Variants in DAP observed in about 807,000 individuals in gnomAD.
The protein encoded by DAP is death associated protein.
Under a neutral mutation model 13.8 loss-of-function variants are expected in DAP, and 8 were observed. The ratio of observed to expected loss-of-function variants is 0.58; its 90% CI spans 0.34 to 1.05. The LOEUF (loss-of-function observed/expected upper bound fraction) is 1.05. Ranked by LOEUF, DAP falls within the 50% of genes least tolerant of loss-of-function variation. DAP has a pLI of 0.03. For missense variants in DAP, 106 were observed against 133.2 expected (o/e 0.80, Z 1.01); for synonymous variants, 47 against 47.5 (o/e 0.99, Z 0.04).
chr5:10,757,055 G>T (rs1339814196), intron 1 of DAP, among the ~76,000 whole-genome samples: 1 of 152,132 alleles, frequency 6.6e-6, no homozygotes, highest in East Asian at 1.9e-4. Flanking sequence ...TCCATCACTT[G>T]TAAATAACAA....
At chr5:10,741,925 C>T (rs575236872) in intron 2 of DAP, among the ~76,000 whole-genome samples, 1 of 152,338 alleles carries the variant, frequency 6.6e-6, no homozygotes, top group Admixed American at 6.5e-5. Flanking sequence ...TAAAGACACT[C>T]TTTTCATTTT....
intron 2 of DAP, among the ~76,000 whole-genome samples, chr5:10,742,630 T>C (rs1739789795): frequency 6.6e-6 from 1 of 152,192 alleles, no homozygotes; most frequent in Admixed American, 6.5e-5. Flanking sequence ...CATTCTGCCC[T>C]GCCCCAAACC....
chr5:10,725,111 C>T (rs1401074210), intron 2 of DAP, among the ~76,000 whole-genome samples: 1 of 152,224 alleles, frequency 6.6e-6, no homozygotes, highest in Non-Finnish European at 1.5e-5. Context: ...CATTCTTCAG[C>T]CGTGTTTGTT....
chr5:10,757,869 T>G (rs910955708), intron 1 of DAP, among the ~76,000 whole-genome samples: 3 of 152,096 alleles, frequency 2.0e-5, no homozygotes, highest in Non-Finnish European at 4.4e-5. Flanking sequence ...TTGAGTATTT[T>G]GTGCCACCCC....
At chr5:10,727,711 T>C in intron 2 of DAP, among the ~76,000 whole-genome samples, 1 of 152,212 alleles carries the variant, frequency 6.6e-6, no homozygotes, top group Non-Finnish European at 1.5e-5. Flanking sequence ...CTGCTATGTT[T>C]CTGGGAGTAT....
chr5:10,757,805 C>T (rs1309522772), intron 1 of DAP, among the ~76,000 whole-genome samples: 3 of 152,068 alleles, frequency 2.0e-5, no homozygotes, highest in Non-Finnish European at 4.4e-5. Context: ...GCCCGGTTTG[C>T]TATGGGGGCA....
At chr5:10,715,065 G>T (rs1025048250) in intron 2 of DAP, among the ~76,000 whole-genome samples, 1 of 152,132 alleles carries the variant, frequency 6.6e-6, no homozygotes, top group South Asian at 2.1e-4. Context: ...AGATATGCAC[G>T]CCATAAGGGT....
At chr5:10,710,611 A>G (rs1249790957) in intron 2 of DAP, among the ~76,000 whole-genome samples, 1 of 152,192 alleles carries the variant, frequency 6.6e-6, no homozygotes, top group Non-Finnish European at 1.5e-5. Flanking sequence ...ACGAGGGTCC[A>G]CACCAATGGA....
intron 2 of DAP, among the ~76,000 whole-genome samples, chr5:10,737,798 C>G (rs1419544332): frequency 2.0e-5 from 3 of 152,196 alleles, no homozygotes; most frequent in Non-Finnish European, 4.4e-5. Context: ...AATCCTAACT[C>G]CCAGTACTTC....
intron 2 of DAP, among the ~76,000 whole-genome samples, chr5:10,684,395 T>C (rs1040550212): frequency 6.6e-6 from 1 of 152,158 alleles, no homozygotes; most frequent in Non-Finnish European, 1.5e-5. Context: ...ATGTCACCTC[T>C]TGACATGTTA....
At chr5:10,759,744 C>CTTTTTTTTTTTTTTTTTTTTTTTTT (rs1169454640) in intron 1 of DAP, among the ~76,000 whole-genome samples, 1 of 88,202 alleles carries the variant, frequency 1.1e-5, no homozygotes, top group Non-Finnish European at 2.0e-5. Context: ...TAATGGGAAT[C>CTTTTTTTTTTTTTTTTTTTTTTTTT]TTTTTTTTTT....
intron 2 of DAP, among the ~76,000 whole-genome samples, chr5:10,686,709 G>A (rs1245008700): frequency 6.6e-6 from 1 of 152,198 alleles, no homozygotes; most frequent in Non-Finnish European, 1.5e-5. Flanking sequence ...GAGGTTTAAG[G>A]AAAGAAGCCA....
intron 2 of DAP, among the ~76,000 whole-genome samples, chr5:10,692,412 C>T (rs997082332): frequency 2.0e-5 from 3 of 152,136 alleles, no homozygotes; most frequent in Non-Finnish European, 2.9e-5. Context: ...TTCATCCTTT[C>T]GCAGTTGAGA....
chr5:10,688,253 A>G (rs538829882), intron 2 of DAP, among the ~76,000 whole-genome samples: 40 of 152,120 alleles, frequency 2.6e-4, no homozygotes, highest in African/African-American at 9.2e-4. Flanking sequence ...AGCCACTCCA[A>G]CCTTCAGCAA....
At chr5:10,752,448 CTTTGCAGAATTA>C (rs1307647320) in intron 1 of DAP, among the ~76,000 whole-genome samples, 1 of 152,190 alleles carries the variant, frequency 6.6e-6, no homozygotes, top group Non-Finnish European at 1.5e-5. Flanking sequence ...TTGCAGAAAT[CTTTGCAGAATTA>C]TTTGCAAATC....
chr5:10,712,143 C>T (rs1738869645), intron 2 of DAP, among the ~76,000 whole-genome samples: 1 of 152,138 alleles, frequency 6.6e-6, no homozygotes, highest in Admixed American at 6.5e-5. Flanking sequence ...AGGACACAGA[C>T]AGGCAGAGAG....
chr5:10,729,250 T>G (rs2126665048), intron 2 of DAP, among the ~76,000 whole-genome samples: 1 of 152,304 alleles, frequency 6.6e-6, no homozygotes, highest in East Asian at 1.9e-4. Context: ...GTAGGAATGT[T>G]AGATAAATGC....
At chr5:10,682,522 T>C (rs1215088676) in intron 3 of DAP, among the ~76,000 whole-genome samples, 52 of 107,864 alleles carry the variant, frequency 4.8e-4, no homozygotes, top group South Asian at 2.6e-3. Context: ...GTGAGGAAGC[T>C]CCAGGCCAGC....
At chr5:10,753,199 T>A (rs1486497062) in intron 1 of DAP, among the ~76,000 whole-genome samples, 1 of 152,216 alleles carries the variant, frequency 6.6e-6, no homozygotes, top group Non-Finnish European at 1.5e-5. Context: ...CCACGCATCT[T>A]TCACTGCACA....
Sources: gnomAD v4.1 joint callset for allele counts (sites outside exome capture counted in the v4.1 genomes callset) on GRCh38, gnomAD v4.1.1 for gene constraint, MANE v1.5 for transcripts, NCBI Gene and HGNC (gene_info 2026-07-23, HGNC 2026-07-21) for gene names.